The following ADORA1 variants were observed in gnomAD, a reference collection of about 807,000 sequenced individuals.
ADORA1 encodes the protein adenosine A1 receptor.
A neutral mutation model predicts 19.9 loss-of-function variants in ADORA1; 6 were observed. The ratio of observed to expected loss-of-function variants is 0.30; its 90% CI spans 0.17 to 0.59. The LOEUF (loss-of-function observed/expected upper bound fraction) is 0.59, where lower values mean the gene tolerates loss of function less well. Among genes scored for constraint, ADORA1 ranks in the 20% least tolerant of loss-of-function variants. The pLI is 0.87. For synonymous variants in ADORA1, 194 were observed against 188.4 expected (o/e 1.03, Z -0.24); for missense variants, 302 against 439.2 (o/e 0.69, Z 2.79).
chr1:203,141,154 G>GATGGGGGAGCCCCAGGGCTGGC lies in ADORA1; in HGVS notation c.341+11980_341+12001dup, dbSNP rs1223981327. On this transcript the variant is annotated intron_variant, in intron 3 of 3. Transcript: ENST00000337894. Reference sequence around the variant, plus strand: ...CCAGCCCTGATGGCAGAGCAGGTGGGATGGGGGAGCCCCAGGGCTGGCATG... The same window carrying GATGGGGGAGCCCCAGGGCTGGC: ...CCAGCCCTGATGGCAGAGCAGGTGGGATGGGGGAGCCCCAGGGCTGGCATGGGGGAGCCCCAGGGCTGGCATG... 3.3e-5 allele frequency among the ~76,000 whole-genome samples: 5 copies of GATGGGGGAGCCCCAGGGCTGGC among 152,386 alleles called. No individual in the cohort carries two copies. In the South Asian group the frequency reaches 6.2e-4, roughly 19 times the overall value.
chr1:203,150,691 T>C lies in ADORA1; in HGVS notation c.342-14570T>C, dbSNP rs1341976224. On this transcript the variant is annotated intron_variant, in intron 3 of 3. Coordinates refer to ENST00000337894, the MANE Select transcript of ADORA1 (RefSeq NM_000674.3). ...AGCAGGAAGAACTGAAGTTAGACTC[T>C]GGGAAGGACTTTCTAATGTGGAAGC... 7 of 1,289,866 alleles carry C rather than the reference T, an allele frequency of 5.4e-6. No homozygotes were observed. In the Admixed American group the frequency reaches 1.6e-4, roughly 30 times the overall value. The allele number at this position is 1,289,866 out of a possible 1,614,324, so 79.9% of individuals were successfully genotyped here. A position where few individuals can be genotyped will look rare whatever the true frequency, so the allele number is the denominator to read the frequency against.
At chr1:203,148,073 G>T (rs1654917562) in intron 3 of ADORA1, among the ~76,000 whole-genome samples, 1 of 152,168 alleles carries the variant, frequency 6.6e-6, no homozygotes, top group Non-Finnish European at 1.5e-5. Flanking sequence ...ACAAAAATTA[G>T]CCAGGCGTGG....
Position 203,165,739 on chromosome 1 carries a change from A to C in ADORA1, c.820A>C (p.Ile274Leu). 1 of 1,613,672 alleles carries C rather than the reference A, an allele frequency of 6.2e-7. No homozygotes were observed. The highest frequency in any genetic ancestry group is 8.5e-7 in the Non-Finnish European group (1 of 1,179,744). The change falls in exon 4 of 4, where the codon ATC (isoleucine) becomes CTC (leucine). Residue 274 changes from isoleucine to leucine, a missense_variant. Coordinates refer to ENST00000337894, the MANE Select transcript of ADORA1 (RefSeq NM_000674.3). The surrounding 1 kb of genome is among the most constrained non-coding windows in gnomAD (Gnocchi z 5.9). ...HKPSILTYIA[I>L]FLTHGNSAMN... is the part of the protein sequence containing the mutation. ...GCCCAGCATCCTTACCTACATTGCC[A>C]TCTTCCTCACGCACGGCAACTCGGC...
Position 203,165,721 on chromosome 1 carries a change from A to G in ADORA1, c.802A>G (p.Ile268Val). Residue 268 changes from isoleucine to valine, a missense_variant, in exon 4 of 4, where the codon ATC (isoleucine) becomes GTC (valine). By Grantham distance (29) the Ile-to-Val change is conservative (BLOSUM62 3). Coordinates refer to ENST00000337894, the MANE Select transcript of ADORA1 (RefSeq NM_000674.3). This position sits in a 1 kb window ranked among gnomAD's most constrained non-coding sequence, Gnocchi z 5.9. ...LFCPSCHKPS[I>V]LTYIAIFLTH... ...CTGCCCGTCCTGCCACAAGCCCAGC[A>G]TCCTTACCTACATTGCCATCTTCCT... 6.2e-7 allele frequency: 1 copy of G among 1,613,012 alleles called. No individual in the cohort carries two copies.
At chr1:203,155,704 A>T (rs1655179286) in intron 3 of ADORA1, among the ~76,000 whole-genome samples, 1 of 152,226 alleles carries the variant, frequency 6.6e-6, no homozygotes, top group Non-Finnish European at 1.5e-5. Context: ...CACTATGGAC[A>T]TGTTGGTGGC....
rs780666223 is a variant in ADORA1, at chr1:203,165,423, G to C, written c.504G>C (p.Lys168Asn). ...GCAGCATGGGGGAGCCCGTGATCAA[G>C]TGCGAGTTCGAGAAGGTCATCAGCA... ...ANGSMGEPVI[K>N]CEFEKVISME... The change falls in exon 4 of 4, where the codon AAG becomes AAC. Residue 168 changes from lysine to asparagine, a missense_variant. By Grantham distance (94) the Lys-to-Asn change is moderately conservative. Transcript: ENST00000337894. This position sits in a 1 kb window ranked among gnomAD's most constrained non-coding sequence, Gnocchi z 5.9. 6.2e-7 allele frequency: 1 copy of C among 1,613,282 alleles called. No homozygotes were observed.
At chr1:203,162,816 G>A (rs1289390729) in intron 3 of ADORA1, among the ~76,000 whole-genome samples, 2 of 152,180 alleles carry the variant, frequency 1.3e-5, no homozygotes, top group Non-Finnish European at 2.9e-5. Flanking sequence ...ACAGGACTGA[G>A]AAAGGGATTT....
At chr1:203,155,144 C>T (rs1166580568) in intron 3 of ADORA1, among the ~76,000 whole-genome samples, 1 of 151,838 alleles carries the variant, frequency 6.6e-6, no homozygotes, top group African/African-American at 2.4e-5. Context: ...CAGGTTCAAG[C>T]GATTCTCCTG....
chr1:203,143,445 C>T (rs1225866087), intron 3 of ADORA1, among the ~76,000 whole-genome samples: 3 of 152,194 alleles, frequency 2.0e-5, no homozygotes, highest in African/African-American at 7.2e-5. Flanking sequence ...TTGGGTGACA[C>T]AGTCAGGTGT....
intron 3 of ADORA1, among the ~76,000 whole-genome samples, chr1:203,159,036 C>T (rs1655284320): frequency 6.6e-6 from 1 of 152,248 alleles, no homozygotes; most frequent in Admixed American, 6.5e-5. Context: ...GTTTCCAACA[C>T]ATGAGCTTTG....
intron 3 of ADORA1, among the ~76,000 whole-genome samples, chr1:203,141,069 C>G (rs547811137): frequency 2.6e-5 from 4 of 152,224 alleles, no homozygotes; most frequent in African/African-American, 7.2e-5. Context: ...CCCATTTCAG[C>G]GAATGCAGCT....
At chr1:203,130,497 T>C (rs1400458799) in intron 3 of ADORA1, among the ~76,000 whole-genome samples, 1 of 152,164 alleles carries the variant, frequency 6.6e-6, no homozygotes, top group Non-Finnish European at 1.5e-5. Context: ...CTCCAGGTTT[T>C]CCAGGGAAGG....
rs767341706 is a variant in ADORA1, at chr1:203,129,076, A to G, written c.235A>G (p.Thr79Ala). The G allele has an allele frequency of 1.2e-6, 2 of 1,613,568 alleles. No individual in the cohort carries two copies. The highest frequency in any genetic ancestry group is 1.7e-6 in the Non-Finnish European group (2 of 1,179,940). The stretch of plus-strand genomic sequence containing the variant: ...CATTGGGCCACAGACCTACTTCCAC[A>G]CCTGCCTCATGGTTGCCTGTCCGGT... Reference protein sequence around the residue: ...INIGPQTYFHTCLMVACPVLI... With the variant: ...INIGPQTYFHACLMVACPVLI... The change falls in exon 3 of 4, where the codon ACC becomes GCC. Residue 79 changes from threonine to alanine, a missense_variant. By Grantham distance (58) the Thr-to-Ala change is moderately conservative (BLOSUM62 0). Coordinates refer to ENST00000337894, the MANE Select transcript of ADORA1 (RefSeq NM_000674.3).
At chr1:203,130,671 G>A (rs1318222446) in intron 3 of ADORA1, among the ~76,000 whole-genome samples, 1 of 152,238 alleles carries the variant, frequency 6.6e-6, no homozygotes, top group Non-Finnish European at 1.5e-5. Flanking sequence ...ACGAAGTGTT[G>A]CCACATTTGG....
chr1:203,157,898 G>C (rs946219518), intron 3 of ADORA1, among the ~76,000 whole-genome samples: 1 of 152,204 alleles, frequency 6.6e-6, no homozygotes, highest in African/African-American at 2.4e-5. Flanking sequence ...GGTCCTGCCT[G>C]GTGTCTCTGG....
At chr1:203,132,307 C>A (rs1003180134) in intron 3 of ADORA1, among the ~76,000 whole-genome samples, 6 of 152,136 alleles carry the variant, frequency 3.9e-5, no homozygotes, top group Non-Finnish European at 8.8e-5. Flanking sequence ...GTGCCTACTC[C>A]CGAGGGCTAG....
At chr1:203,140,205 G>A (rs1324015844) in intron 3 of ADORA1, among the ~76,000 whole-genome samples, 3 of 152,178 alleles carry the variant, frequency 2.0e-5, no homozygotes, top group Non-Finnish European at 4.4e-5. Flanking sequence ...GTTGGAGTGG[G>A]GTTACAGAGG....
intron 3 of ADORA1, among the ~76,000 whole-genome samples, chr1:203,130,638 G>A (rs1457394179): frequency 1.3e-5 from 2 of 152,216 alleles, no homozygotes; most frequent in African/African-American, 4.8e-5. Context: ...AGAAGAGCGG[G>A]GCCTCTGAGC....
chr1:203,144,469 A>G (rs958479282), intron 3 of ADORA1, among the ~76,000 whole-genome samples: 4 of 152,224 alleles, frequency 2.6e-5, no homozygotes, highest in African/African-American at 9.7e-5. Flanking sequence ...AATTTTATGA[A>G]GAGGTCCTAA....
Sources: allele counts gnomAD v4.1 joint callset (sites outside exome capture counted in the v4.1 genomes callset), GRCh38; gene constraint gnomAD v4.1.1; non-coding constraint Gnocchi (gnomAD v3.1); transcripts MANE v1.5; gene names NCBI Gene and HGNC (gene_info 2026-07-23, HGNC 2026-07-21).